Variants in FGF1 observed in about 807,000 individuals in gnomAD.
The protein encoded by FGF1 is fibroblast growth factor 1.
In FGF1, 9 loss-of-function variants were observed where a neutral mutation model predicts 13.4. The observed-to-expected ratio is 0.67, with a 90% CI of 0.40 to 1.17. FGF1 has a LOEUF of 1.17. Ranked by LOEUF, FGF1 falls within the 50% of genes most tolerant of loss-of-function variation. FGF1 has a pLI of 0.01. For synonymous variants in FGF1, 93 were observed against 79.0 expected (o/e 1.18, Z -0.94); for missense variants, 156 against 192.7 (o/e 0.81, Z 1.13).
At chr5:142,688,562 A>G (rs1379493432), upstream of FGF1, among the ~76,000 whole-genome samples, 1 of 152,226 alleles carries the variant, frequency 6.6e-6, no homozygotes, top group African/African-American at 2.4e-5. Flanking sequence ...TATGCAGAAC[A>G]TGTAACAGAA....
chr5:142,628,315 C>T (rs1375090973), intron 1 of FGF1, among the ~76,000 whole-genome samples: 2 of 152,144 alleles, frequency 1.3e-5, no homozygotes, highest in Admixed American at 1.3e-4. Context: ...TTGAGACCAG[C>T]CTGACCAACA....
intron 2 of FGF1, among the ~76,000 whole-genome samples, chr5:142,691,254 C>T (rs1473572599): frequency 1.3e-5 from 2 of 151,928 alleles, no homozygotes; most frequent in Middle Eastern, 3.4e-3. Context: ...AACCCCGTCT[C>T]TACTAAAAAT....
rs534009888 is a variant in FGF1, at chr5:142,633,080, C to T, written c.-34-18919G>A. 3.5e-4 allele frequency among the ~76,000 whole-genome samples: 53 copies of T among 152,198 alleles called. No homozygotes were observed. The South Asian group carries it at 3.9e-3, about 11-fold the overall frequency. On this transcript the variant is annotated intron_variant, in intron 1 of 3. Coordinates refer to ENST00000337706, the MANE Select transcript of FGF1 (RefSeq NM_000800.5). Reference sequence around the variant, plus strand: ...GACCACAGGCGCCCGCCACCACACCCGGCTAATTTTTTTGATTTTTAGTAG... The same window carrying T: ...GACCACAGGCGCCCGCCACCACACCTGGCTAATTTTTTTGATTTTTAGTAG...
intron 1 of FGF1, among the ~76,000 whole-genome samples, chr5:142,672,970 G>A (rs1346846299): frequency 6.6e-6 from 1 of 152,288 alleles, no homozygotes; most frequent in East Asian, 1.9e-4. Context: ...AGGATTAAGA[G>A]GGGGACTTAC....
chr5:142,681,278 C>T (rs1773643466), intron 1 of FGF1, among the ~76,000 whole-genome samples: 1 of 152,266 alleles, frequency 6.6e-6, no homozygotes, highest in South Asian at 2.1e-4. Context: ...TGCTCAGATA[C>T]TTACCCAATC....
At chr5:142,630,018 T>C (rs1204328633) in intron 1 of FGF1, among the ~76,000 whole-genome samples, 1 of 151,730 alleles carries the variant, frequency 6.6e-6, no homozygotes, top group Middle Eastern at 3.2e-3. Flanking sequence ...CTCAGCTTTC[T>C]GAGTAGCTGA....
chr5:142,661,485 A>T (rs1226857528), intron 1 of FGF1, among the ~76,000 whole-genome samples: 1 of 152,244 alleles, frequency 6.6e-6, no homozygotes, highest in African/African-American at 2.4e-5. Context: ...GCACCTAAGT[A>T]TGCAACTAAG....
chr5:142,660,197 C>T (rs1768956458), intron 1 of FGF1, among the ~76,000 whole-genome samples: 1 of 152,234 alleles, frequency 6.6e-6, no homozygotes, highest in African/African-American at 2.4e-5. Context: ...ATTAAACAGT[C>T]CTGTTAGTAA....
intron 1 of FGF1, among the ~76,000 whole-genome samples, chr5:142,647,491 C>T (rs1766380619): frequency 6.6e-6 from 1 of 152,188 alleles, no homozygotes; most frequent in South Asian, 2.1e-4. Flanking sequence ...TGTTCATAAA[C>T]TTGTAGTTCT....
intron 1 of FGF1, among the ~76,000 whole-genome samples, chr5:142,625,667 G>A (rs898707653): frequency 1.3e-5 from 2 of 152,200 alleles, no homozygotes; most frequent in Non-Finnish European, 2.9e-5. Context: ...CCTGCAGACG[G>A]ACACATTAAA....
intron 1 of FGF1, among the ~76,000 whole-genome samples, chr5:142,618,315 T>C (rs537196405): frequency 2.6e-5 from 4 of 152,262 alleles, no homozygotes; most frequent in African/African-American, 9.6e-5. Context: ...CTCTGACACA[T>C]GAACAGGATG....
chr5:142,626,435 G>A (rs1366985666), intron 1 of FGF1, among the ~76,000 whole-genome samples: 1 of 152,166 alleles, frequency 6.6e-6, no homozygotes, highest in Admixed American at 6.5e-5. Context: ...CCTAAAACGT[G>A]TTGGAGCTGA....
chr5:142,642,510 T>G (rs745639573), intron 1 of FGF1, among the ~76,000 whole-genome samples: 11 of 152,152 alleles, frequency 7.2e-5, no homozygotes, highest in African/African-American at 2.4e-4. Flanking sequence ...AAAGCAGATA[T>G]CAAGATATGA....
At chr5:142,651,954 C>T (rs76332204) in intron 1 of FGF1, among the ~76,000 whole-genome samples, 2,038 of 151,814 alleles carry the variant, frequency 0.013, 53 homozygotes, top group African/African-American at 0.045. Context: ...TTTGTAATAA[C>T]GATAAACATG....
intron 1 of FGF1, among the ~76,000 whole-genome samples, chr5:142,632,525 A>G (rs550149481): frequency 1.4e-4 from 22 of 152,322 alleles, no homozygotes; most frequent in African/African-American, 5.3e-4. Flanking sequence ...CAAACCCTTA[A>G]CCATAAGGGG....
At chr5:142,646,321 G>C (rs1766094884) in intron 1 of FGF1, among the ~76,000 whole-genome samples, 2 of 146,102 alleles carry the variant, frequency 1.4e-5, no homozygotes, top group South Asian at 4.5e-4. Flanking sequence ...AGCCTCCGAA[G>C]TAGCTGGGAT....
intron 2 of FGF1, among the ~76,000 whole-genome samples, chr5:142,603,935 A>G (rs971541326): frequency 6.6e-6 from 1 of 152,254 alleles, no homozygotes; most frequent in African/African-American, 2.4e-5. Context: ...TTTGGCAATA[A>G]AAAGGAACAG....
At chr5:142,695,427 C>T (rs1295002477) in intron 2 of FGF1, among the ~76,000 whole-genome samples, 1 of 151,714 alleles carries the variant, frequency 6.6e-6, no homozygotes, top group African/African-American at 2.4e-5. Context: ...ACTAAAAATA[C>T]AAAAATTAGC....
At chr5:142,631,498 C>T (rs1054124525) in intron 1 of FGF1, among the ~76,000 whole-genome samples, 22 of 152,208 alleles carry the variant, frequency 1.4e-4, no homozygotes, top group Admixed American at 1.3e-3. Context: ...TTTATCTGGA[C>T]GTTCTCAGAA....
Sources: allele counts gnomAD v4.1 joint callset (sites outside exome capture counted in the v4.1 genomes callset), GRCh38; gene constraint gnomAD v4.1.1; transcripts MANE v1.5; gene names NCBI Gene and HGNC (gene_info 2026-07-23, HGNC 2026-07-21).